ZFAT: variants seen among roughly 807,000 people sequenced by gnomAD.
ZFAT encodes the protein zinc finger protein ZFAT.
Under a neutral mutation model 117.7 loss-of-function variants are expected in ZFAT, and 64 were observed. That is an observed-to-expected ratio of 0.54 (90% CI 0.44 to 0.67). The LOEUF is 0.67. ZFAT is among the 30% of genes least tolerant of loss of function. The pLI, the probability that ZFAT is intolerant of heterozygous loss-of-function variation, is 0.00. For missense variants in ZFAT, 1,433 were observed against 1,584.5 expected, an observed-to-expected ratio of 0.90 and a Z score of 1.62; for synonymous variants, 679 against 615.0, an observed-to-expected ratio of 1.10 and a Z score of -1.54.
At chr8:134,782,688 T>TTC in the ZFAT span, among the ~76,000 whole-genome samples, 26 of 152,268 alleles carry the variant, frequency 1.7e-4, no homozygotes, top group South Asian at 2.7e-3. Flanking sequence ...TTGATTTTCA[T>TTC]TCTCTTGTCT....
At chr8:134,654,350 T>A (rs1450875766) in intron 2 of ZFAT, among the ~76,000 whole-genome samples, 2 of 151,952 alleles carry the variant, frequency 1.3e-5, no homozygotes, top group Non-Finnish European at 2.9e-5. Flanking sequence ...AAAGTAAAAG[T>A]GTAATTGCTT....
Position 134,610,598 on chromosome 8 carries a change from G to T in ZFAT, c.506C>A (p.Ala169Asp), listed in dbSNP as rs769640901. 1 of 1,614,172 alleles carries T rather than the reference G, an allele frequency of 6.2e-7. No individual in the cohort carries two copies. Among genetic ancestry groups the T allele is most frequent in the South Asian group, 1.1e-5 (1 of 91,088 alleles). Residue 169 changes from alanine (A) to aspartate (D), a missense_variant, in exon 4 of 16, where the codon GCC becomes GAC. By Grantham distance (126) the Ala-to-Asp change is moderately radical. Transcript: ENST00000377838. ...KKCKEDDREK[A>D]SKRPRSQKTE... is the part of the protein sequence containing the mutation. Reference sequence around the variant, plus strand: ...TTTCTGTGACCGTGGTCTTTTCGAGGCTTTTTCCCGATCATCTTCCTTACA... The same window carrying T: ...TTTCTGTGACCGTGGTCTTTTCGAGTCTTTTTCCCGATCATCTTCCTTACA...
In ZFAT at chr8:134,607,010, C is replaced by T. The variant is rs372501992; in HGVS notation, c.785+1719G>A. Among the ~76,000 whole-genome samples the T allele has an allele frequency of 3.9e-4, 59 of 152,040 alleles. 1 individual carries two copies. Among genetic ancestry groups the T allele is most frequent in the South Asian group, 2.1e-3 (10 of 4,818 alleles). ...TGTATTTTACAAAGTAAAATCCTTA[C>T]GCAAAAACATCTCTTTTATAGTTAT... On this transcript the variant is annotated intron_variant, in intron 5 of 15. Transcript: ENST00000377838.
At chr8:134,724,492 G>A in the ZFAT span, among the ~76,000 whole-genome samples, 1 of 152,116 alleles carries the variant, frequency 6.6e-6, no homozygotes, top group Admixed American at 6.5e-5. Flanking sequence ...GGGGACACAG[G>A]GCCAGGGCTT....
chr8:134,608,652 G>A, intron 5 of ZFAT, 77 bp downstream of exon 5: 4 of 1,517,250 alleles, frequency 2.6e-6, no homozygotes, highest in Non-Finnish European at 3.5e-6. Context: ...GAACAAGCAT[G>A]CTGATCCTTC....
chr8:134,672,142 A>G (rs199596923), intron 1 of ZFAT, among the ~76,000 whole-genome samples: 1 of 152,250 alleles, frequency 6.6e-6, no homozygotes, highest in Admixed American at 6.5e-5. Context: ...ATGTTCATGG[A>G]TAGGAAGAAT....
chr8:134,510,507 A>G (rs1014662333), intron 14 of ZFAT, among the ~76,000 whole-genome samples: 8 of 152,152 alleles, frequency 5.3e-5, no homozygotes, highest in South Asian at 2.1e-4. Flanking sequence ...GAGTCAATCA[A>G]TAAGAGATCA....
chr8:134,611,181 G>A (rs1054521684), intron 3 of ZFAT, among the ~76,000 whole-genome samples: 5 of 152,222 alleles, frequency 3.3e-5, no homozygotes, highest in Admixed American at 6.5e-5. Context: ...GCTGCACACC[G>A]AATGAAATGA....
intron 1 of ZFAT, among the ~76,000 whole-genome samples, chr8:134,684,150 T>C (rs1833203770): frequency 6.6e-6 from 1 of 151,606 alleles, no homozygotes; most frequent in Non-Finnish European, 1.5e-5. Context: ...ACAGGGACAT[T>C]GAAAGGGACA....
chr8:134,632,576 GA>G (rs1010196944), intron 3 of ZFAT, among the ~76,000 whole-genome samples: 38 of 152,108 alleles, frequency 2.5e-4, no homozygotes, highest in Non-Finnish European at 2.9e-5. Context: ...CAGAGAAACA[GA>G]AGCATTTTTT....
At chr8:134,763,976 C>T in the ZFAT span, among the ~76,000 whole-genome samples, 2 of 152,188 alleles carry the variant, frequency 1.3e-5, no homozygotes, top group East Asian at 1.9e-4. Flanking sequence ...ATTAGAAAAC[C>T]TGCATTTTCT....
rs148997021 is a variant in ZFAT at position 134,581,885 on chromosome 8, C to T, written c.2887+1947G>A. 7.5e-3 allele frequency among the ~76,000 whole-genome samples: 1,148 copies of T among 152,224 alleles called. 16 individuals are homozygous for T. Among genetic ancestry groups the T allele is most frequent in the African/African-American group, 0.025 (1,048 of 41,518 alleles). ...GATTATAGGCATGAGCCACTGTGCC[C>T]GACCTGGATGCCCTTCTTACCAGAG... is the stretch of plus-strand genomic sequence containing the variant. On this transcript the variant is annotated intron_variant, in intron 10 of 15. Coordinates refer to ENST00000377838, the MANE Select transcript of ZFAT (RefSeq NM_020863.4).
chr8:134,702,418 A>T (rs1306478716), intron 1 of ZFAT, among the ~76,000 whole-genome samples: 1 of 152,172 alleles, frequency 6.6e-6, no homozygotes, highest in African/African-American at 2.4e-5. Flanking sequence ...TAGCCCCCAT[A>T]ATTCCCACAC....
At chr8:134,740,549 C>T in the ZFAT span, among the ~76,000 whole-genome samples, 2 of 152,182 alleles carry the variant, frequency 1.3e-5, no homozygotes, top group South Asian at 2.1e-4. Context: ...TCCCTTCTTA[C>T]GCATGTTTTT....
intron 10 of ZFAT, among the ~76,000 whole-genome samples, chr8:134,581,339 A>T (rs1202034071): frequency 6.6e-6 from 1 of 152,184 alleles, no homozygotes; most frequent in East Asian, 1.9e-4. Context: ...GAAAGCAATC[A>T]TCTGGAATTT....
At chr8:134,726,960 T>C in the ZFAT span, among the ~76,000 whole-genome samples, 2 of 152,020 alleles carry the variant, frequency 1.3e-5, no homozygotes, top group Non-Finnish European at 1.5e-5. Flanking sequence ...TGATCAATCA[T>C]TATTTTAGAG....
At chr8:134,790,682 T>A in the ZFAT span, among the ~76,000 whole-genome samples, 61 of 152,202 alleles carry the variant, frequency 4.0e-4, 2 homozygotes, top group Non-Finnish European at 2.9e-5. Context: ...ATTTTCTACC[T>A]CTTCTGTGCT....
chr8:134,548,804 G>A (rs1822902602), intron 11 of ZFAT, among the ~76,000 whole-genome samples: 3 of 152,168 alleles, frequency 2.0e-5, no homozygotes, highest in Admixed American at 1.3e-4. Context: ...CCTCTTCCAG[G>A]GAGGGTCTAT....
At chr8:134,626,718 C>G (rs950915041) in intron 3 of ZFAT, among the ~76,000 whole-genome samples, 1 of 152,156 alleles carries the variant, frequency 6.6e-6, no homozygotes, top group Non-Finnish European at 1.5e-5. Context: ...CTCATCCAGG[C>G]CCACCTCTGG....
Sources: gnomAD v4.1 joint callset for allele counts (sites outside exome capture counted in the v4.1 genomes callset) on GRCh38, gnomAD v4.1.1 for gene constraint, MANE v1.5 for transcripts, NCBI Gene and HGNC (gene_info 2026-07-23, HGNC 2026-07-21) for gene names.